Variants in TMEM108 observed in about 807,000 individuals in gnomAD.
TMEM108 encodes cancer/testis antigen 124.
In TMEM108, 12 loss-of-function variants were observed where a neutral mutation model predicts 35.1. The observed-to-expected ratio is 0.34, with a 90% CI of 0.22 to 0.55. TMEM108 has a LOEUF of 0.55. Ranked by LOEUF, TMEM108 falls within the 20% of genes least tolerant of loss-of-function variation. The pLI, the probability that TMEM108 is intolerant of heterozygous loss-of-function variation, is 0.89. For synonymous variants in TMEM108, 287 were observed against 308.6 expected, an observed-to-expected ratio of 0.93 and a Z score of 0.73; for missense variants, 680 against 753.3, an observed-to-expected ratio of 0.90 and a Z score of 1.14.
intron 3 of TMEM108, among the ~76,000 whole-genome samples, chr3:133,233,822 G>A (rs1946192111): frequency 2.0e-5 from 3 of 151,462 alleles, no homozygotes; most frequent in African/African-American, 4.8e-5. Context: ...GTGTCTTTTG[G>A]CTGCATAAAT....
intron 3 of TMEM108, among the ~76,000 whole-genome samples, chr3:133,311,576 T>G (rs1036176006): frequency 1.3e-5 from 2 of 152,198 alleles, no homozygotes; most frequent in Non-Finnish European, 2.9e-5. Flanking sequence ...TCATTTAAGG[T>G]CTTCTCTACG....
chr3:133,330,647 T>A (rs549956217), intron 3 of TMEM108, among the ~76,000 whole-genome samples: 5 of 152,270 alleles, frequency 3.3e-5, no homozygotes, highest in African/African-American at 1.2e-4. Context: ...TTAGCAAAAA[T>A]AAAGTGCTTG....
chr3:133,344,909 A>G (rs1357434902), intron 3 of TMEM108, among the ~76,000 whole-genome samples: 1 of 151,874 alleles, frequency 6.6e-6, no homozygotes, highest in Non-Finnish European at 1.5e-5. Context: ...ATAAGCATGG[A>G]TGGTATTTTT....
intron 3 of TMEM108, among the ~76,000 whole-genome samples, chr3:133,332,484 G>C (rs150074569): frequency 0.012 from 1,859 of 152,306 alleles, 20 homozygotes; most frequent in Non-Finnish European, 0.021. Flanking sequence ...TATGTGGCAG[G>C]AGATACCAAC....
intron 1 of TMEM108, among the ~76,000 whole-genome samples, chr3:133,042,741 T>C (rs1369007312): frequency 6.6e-6 from 1 of 152,236 alleles, no homozygotes; most frequent in Non-Finnish European, 1.5e-5. Flanking sequence ...AGTTCAGAGT[T>C]GAGTTTCTTG....
intron 3 of TMEM108, among the ~76,000 whole-genome samples, chr3:133,371,428 G>A (rs80288649): frequency 0.038 from 5,805 of 152,108 alleles, 182 homozygotes; most frequent in African/African-American, 0.093. Context: ...TTAGGCTGAG[G>A]CTGAAGGCCG....
chr3:133,388,279 A>G, intron 4 of TMEM108: 1 of 985,184 alleles, frequency 1.0e-6, no homozygotes, highest in Non-Finnish European at 1.2e-6. Context: ...CAGAGACACC[A>G]GAGAAGGGGA....
intron 3 of TMEM108, among the ~76,000 whole-genome samples, chr3:133,378,729 T>C (rs917061737): frequency 6.6e-6 from 1 of 152,220 alleles, no homozygotes; most frequent in African/African-American, 2.4e-5. Context: ...TAGAAATGTT[T>C]TTAAACATAT....
At chr3:133,293,906 G>C (rs1486455280) in intron 3 of TMEM108, among the ~76,000 whole-genome samples, 2 of 152,152 alleles carry the variant, frequency 1.3e-5, no homozygotes, top group Non-Finnish European at 2.9e-5. Context: ...ATTGCATCCA[G>C]TGGCAGCTGG....
At chr3:133,119,773 T>G (rs1399872986) in intron 2 of TMEM108, among the ~76,000 whole-genome samples, 1 of 152,232 alleles carries the variant, frequency 6.6e-6, no homozygotes, top group African/African-American at 2.4e-5. Flanking sequence ...TTTAAAAACT[T>G]GCCCATAATT....
chr3:133,260,041 G>T (rs1946602599), intron 3 of TMEM108, among the ~76,000 whole-genome samples: 1 of 152,178 alleles, frequency 6.6e-6, no homozygotes. Flanking sequence ...TGCCAGATGT[G>T]GAAACAACCG....
chr3:133,352,353 C>T (rs1559920493), intron 3 of TMEM108, among the ~76,000 whole-genome samples: 1 of 152,154 alleles, frequency 6.6e-6, no homozygotes, highest in Non-Finnish European at 1.5e-5. Context: ...ATGTTGGGGG[C>T]AGTGGGTTCC....
rs748003281 is a variant in TMEM108, at chr3:133,352,968, A to T, written c.41-26784A>T. 1.8e-4 allele frequency among the ~76,000 whole-genome samples: 28 copies of T among 152,188 alleles called. 1 individual carries two copies. Among genetic ancestry groups the T allele is most frequent in the Non-Finnish European group, 4.0e-4 (27 of 68,024 alleles). On this transcript the variant is annotated intron_variant, in intron 3 of 5. Coordinates refer to ENST00000321871, the MANE Select transcript of TMEM108 (RefSeq NM_023943.4). ...AATCACTTGGTTGGTTCCCCTGGCA[A>T]CCAGCCCCCATCTGGAGGCTTTCCA...
chr3:133,263,951 A>G (rs767818023), intron 3 of TMEM108, among the ~76,000 whole-genome samples: 3 of 152,214 alleles, frequency 2.0e-5, no homozygotes, highest in Admixed American at 1.3e-4. Context: ...TCCAGCTCAG[A>G]GGTGAATTAT....
chr3:133,352,620 G>A (rs73207749), intron 3 of TMEM108, among the ~76,000 whole-genome samples: 6,681 of 152,224 alleles, frequency 0.044, 190 homozygotes, highest in Non-Finnish European at 0.064. Flanking sequence ...CAGAATTCAG[G>A]AAAACCATAT....
intron 3 of TMEM108, chr3:133,378,220 T>G: frequency 8.0e-6 from 4 of 498,190 alleles, no homozygotes; most frequent in Non-Finnish European, 1.0e-5. Context: ...CCCCACCAAT[T>G]TAGAAGTGCA....
At chr3:133,388,916 C>G (rs1047857449) in intron 4 of TMEM108, 43 of 985,624 alleles carry the variant, frequency 4.4e-5, no homozygotes, top group Middle Eastern at 5.2e-4. Context: ...TCTGCCAACC[C>G]CCGGTGCTGG....
intron 2 of TMEM108, among the ~76,000 whole-genome samples, chr3:133,141,509 G>A (rs985710146): frequency 5.3e-5 from 8 of 152,250 alleles, no homozygotes; most frequent in Admixed American, 2.0e-4. Context: ...AACCTCAGAC[G>A]CTACCTGTCC....
intron 2 of TMEM108, among the ~76,000 whole-genome samples, chr3:133,173,732 A>G (rs1427491572): frequency 1.3e-5 from 2 of 152,224 alleles, no homozygotes; most frequent in Non-Finnish European, 2.9e-5. Context: ...ATAGCCAAAT[A>G]GGAACAGCTC....
Sources: gnomAD v4.1 joint callset for allele counts (sites outside exome capture counted in the v4.1 genomes callset) on GRCh38, gnomAD v4.1.1 for gene constraint, MANE v1.5 for transcripts, NCBI Gene and HGNC (gene_info 2026-07-23, HGNC 2026-07-21) for gene names.